Variants in MAPT observed in about 807,000 individuals in gnomAD.
MAPT encodes microtubule associated protein tau.
A neutral mutation model predicts 67.9 loss-of-function variants in MAPT; 34 were observed. The ratio of observed to expected loss-of-function variants is 0.50; its 90% CI spans 0.38 to 0.67. MAPT has a LOEUF of 0.67. Among genes scored for constraint, MAPT ranks in the 30% least tolerant of loss-of-function variants. The pLI, the probability that MAPT is intolerant of heterozygous loss-of-function variation, is 0.00. For missense variants in MAPT, 881 were observed against 1,115.2 expected (o/e 0.79, Z 2.99); for synonymous variants, 456 against 464.5 (o/e 0.98, Z 0.23).
At chr17:45,923,109 G>A (rs192400941) in intron 1 of MAPT, among the ~76,000 whole-genome samples, 1 of 152,274 alleles carries the variant, frequency 6.6e-6, no homozygotes, top group Non-Finnish European at 1.5e-5. Context: ...CCCCTTTGAG[G>A]AATGCCCTCT....
chr17:45,916,318 C>G (rs899096107), intron 1 of MAPT, among the ~76,000 whole-genome samples: 1 of 152,212 alleles, frequency 6.6e-6, no homozygotes, highest in Non-Finnish European at 1.5e-5. Flanking sequence ...GGTGGCCCAG[C>G]GTGGCTGACT....
intron 1 of MAPT, among the ~76,000 whole-genome samples, chr17:45,951,665 A>T (rs1305321949): frequency 6.6e-6 from 1 of 152,096 alleles, no homozygotes; most frequent in Non-Finnish European, 1.5e-5. Context: ...AGGCACCAAC[A>T]GTGACTCAGC....
rs1568133646 is a variant in MAPT, at chr17:45,903,990, A to ATATTATATATT, written c.-18+9307_-18+9308insTATATATTTAT. Reference sequence around the variant, plus strand: ...ATTATATATTATATATTATATATTTATATATATTATATATTATATATATTA... The same window carrying ATATTATATATT: ...ATTATATATTATATATTATATATTTATATTATATATTTATATATTATATATTATATATATTA... On this transcript the variant is annotated intron_variant, in intron 1 of 12. Coordinates refer to ENST00000262410, the MANE Select transcript of MAPT (RefSeq NM_001377265.1). Among the ~76,000 whole-genome samples, 39 of 14,296 alleles carry ATATTATATATT rather than the reference A, an allele frequency of 2.7e-3. 2 individuals carry two copies. Among genetic ancestry groups the ATATTATATATT allele is most frequent in the African/African-American group, 8.9e-3 (39 of 4,400 alleles). The allele number at this position is 14,296 out of a possible 152,430, so 9.4% of individuals were successfully genotyped here.
At chr17:45,968,208 A>G (rs1208127399) in intron 2 of MAPT, among the ~76,000 whole-genome samples, 2 of 149,150 alleles carry the variant, frequency 1.3e-5, no homozygotes, top group Non-Finnish European at 2.9e-5. Context: ...ACAAAAAACA[A>G]CAAAAAAAAA....
chr17:45,971,739 G>C lies in MAPT; in HGVS notation c.134-120G>C. On this transcript the variant is annotated intron_variant, in intron 2 of 12. Transcript: ENST00000262410. This position sits in a 1 kb window ranked among gnomAD's most constrained non-coding sequence, Gnocchi z 4.3. ...GGGTTTGTTGCGAGGCCGTGTTCCA[G>C]CTGTTTCCACAGGGAGCGATTTTCA... The C allele has an allele frequency of 2.6e-6, 2 of 764,380 alleles. No individual in the cohort carries two copies. Among genetic ancestry groups the C allele is most frequent in the Non-Finnish European group, 4.7e-6 (2 of 428,090 alleles). The allele number at this position is 764,380 out of a possible 1,614,324, so 47.3% of individuals were successfully genotyped here. A position where few individuals can be genotyped will look rare whatever the true frequency, so the allele number is the denominator to read the frequency against.
chr17:45,974,158 G>T (rs1170197425), intron 3 of MAPT: 2 of 581,242 alleles, frequency 3.4e-6, no homozygotes, highest in Admixed American at 2.9e-5. Flanking sequence ...CTTTCCTGGT[G>T]GATGAGCTGG....
chr17:45,995,768 C>G lies in MAPT; in HGVS notation c.1733-631C>G, dbSNP rs975687171. Among the ~76,000 whole-genome samples, 17 of 152,120 alleles carry G rather than the reference C, an allele frequency of 1.1e-4. No homozygotes were observed. The highest frequency in any genetic ancestry group is 4.1e-4 in the African/African-American group (17 of 41,420). ...GACAGGCAGGCGTGGAGCAGGCATCCTGTTCTGAAGGCCAAATCCCACAGA... is the reference window on the plus strand; with the variant it reads ...GACAGGCAGGCGTGGAGCAGGCATCGTGTTCTGAAGGCCAAATCCCACAGA... On this transcript the variant is annotated intron_variant, in intron 8 of 12. Coordinates refer to ENST00000262410, the MANE Select transcript of MAPT (RefSeq NM_001377265.1). The surrounding 1 kb of genome is among the most constrained non-coding windows in gnomAD (Gnocchi z 4.3).
intron 9 of MAPT, among the ~76,000 whole-genome samples, chr17:46,004,294 G>A (rs1416092479): frequency 6.6e-6 from 1 of 152,196 alleles, no homozygotes; most frequent in African/African-American, 2.4e-5. Flanking sequence ...AACAAAACCA[G>A]ATCAAGGTCT....
chr17:46,027,226 G>A lies in MAPT; in HGVS notation c.*3055G>A, dbSNP rs1225067046. 2 of 150,718 alleles carry A rather than the reference G, an allele frequency of 1.3e-5. No individual in the cohort carries two copies. Among genetic ancestry groups the A allele is most frequent in the African/African-American group, 2.4e-5 (1 of 41,344 alleles). 9.3% of individuals were successfully genotyped at this position (150,718 alleles called of 1,614,324 possible). On this transcript the variant is annotated 3_prime_UTR_variant, in exon 13 of 13. Transcript: ENST00000262410. ...CACCATGGGCCTTCTTATACGGAAGGCTCTGGGATCTCCCCCTTGTGGGGC... is the reference window on the plus strand; with the variant it reads ...CACCATGGGCCTTCTTATACGGAAGACTCTGGGATCTCCCCCTTGTGGGGC...
At chr17:46,013,496 C>A (rs956820725) in intron 10 of MAPT, among the ~76,000 whole-genome samples, 1 of 152,232 alleles carries the variant, frequency 6.6e-6, no homozygotes, top group African/African-American at 2.4e-5. Flanking sequence ...TGCGTCCGCT[C>A]GAGCTTACTG....
At chr17:46,023,032 C>A (rs1353237142) in intron 12 of MAPT, among the ~76,000 whole-genome samples, 1 of 152,188 alleles carries the variant, frequency 6.6e-6, no homozygotes, top group Non-Finnish European at 1.5e-5. Context: ...ACAGTTGCTG[C>A]CCCTCCAAAC....
At chr17:45,937,616 G>A (rs62061724) in intron 1 of MAPT, among the ~76,000 whole-genome samples, 2 of 148,372 alleles carry the variant, frequency 1.3e-5, no homozygotes, top group Admixed American at 6.8e-5. Context: ...AAAAAGAAAG[G>A]AGAGAGAGAG....
intron 1 of MAPT, among the ~76,000 whole-genome samples, chr17:45,956,587 TATATATATA>T (rs1243627990): frequency 5.8e-3 from 45 of 7,696 alleles, no homozygotes; most frequent in Admixed American, 8.8e-3. Flanking sequence ...TATATATATA[TATATATATA>T]TATATTTTTT....
chr17:45,895,714 A>G (rs74548327), intron 1 of MAPT: 21,820 of 152,210 alleles, frequency 0.14, 2,139 homozygotes, highest in Middle Eastern at 0.22. Context: ...TGGGCGAGGA[A>G]GGGGGAGGAT....
chr17:45,907,080 C>T (rs2064364487), intron 1 of MAPT, among the ~76,000 whole-genome samples: 1 of 152,190 alleles, frequency 6.6e-6, no homozygotes, highest in East Asian at 1.9e-4. Context: ...CAAGTGTGGT[C>T]CTGCCATGGG....
At chr17:45,961,438 T>C (rs1186218921) in intron 1 of MAPT, among the ~76,000 whole-genome samples, 3 of 152,100 alleles carry the variant, frequency 2.0e-5, no homozygotes, top group Non-Finnish European at 4.4e-5. Flanking sequence ...GGGGACCTGG[T>C]GGGTGCCGGT....
intron 1 of MAPT, among the ~76,000 whole-genome samples, chr17:45,953,670 T>A (rs773685732): frequency 5.3e-5 from 8 of 152,154 alleles, no homozygotes; most frequent in Non-Finnish European, 1.0e-4. Flanking sequence ...CATCTGACTC[T>A]CTCTAGCCCT....
chr17:45,895,043 A>G (rs1311741997), intron 1 of MAPT: 3 of 134,978 alleles, frequency 2.2e-5, no homozygotes, highest in East Asian at 2.3e-4. Context: ...TTTTGCCGCA[A>G]TGGGCGTGTG....
At chr17:45,918,391 G>T (rs2065389960) in intron 1 of MAPT, among the ~76,000 whole-genome samples, 1 of 152,230 alleles carries the variant, frequency 6.6e-6, no homozygotes, top group African/African-American at 2.4e-5. Context: ...GCTGGCTGGG[G>T]TTGGATCTTG....
Sources: gnomAD v4.1 joint callset for allele counts (sites outside exome capture counted in the v4.1 genomes callset) on GRCh38, gnomAD v4.1.1 for gene constraint, Gnocchi (gnomAD v3.1) non-coding constraint, MANE v1.5 for transcripts, NCBI Gene and HGNC (gene_info 2026-07-23, HGNC 2026-07-21) for gene names.